Variants in SSX2IP observed in about 807,000 individuals in gnomAD.
SSX2IP encodes the protein afadin- and alpha-actinin-binding protein.
Under a neutral mutation model 84.9 loss-of-function variants are expected in SSX2IP, and 55 were observed. The ratio of observed to expected loss-of-function variants is 0.65; its 90% confidence interval spans 0.52 to 0.81. SSX2IP has a LOEUF of 0.81. SSX2IP is among the 30% of genes least tolerant of loss of function. SSX2IP has a pLI of 0.00. For missense variants in SSX2IP, 664 were observed against 705.2 expected, an observed-to-expected ratio of 0.94 and a Z score of 0.66; for synonymous variants, 239 against 234.7, an observed-to-expected ratio of 1.02 and a Z score of -0.17.
At chr1:84,673,673 G>A (rs934104024) in intron 1 of SSX2IP, among the ~76,000 whole-genome samples, 12 of 152,160 alleles carry the variant, frequency 7.9e-5, no homozygotes, top group Non-Finnish European at 1.5e-4. Flanking sequence ...TCTAACAGTG[G>A]AAGCAGAAAC....
At chr1:84,657,568 GA>G (rs1335308392) in intron 9 of SSX2IP, among the ~76,000 whole-genome samples, 8 of 152,104 alleles carry the variant, frequency 5.3e-5, no homozygotes, top group Admixed American at 1.3e-4. Context: ...GTCAGTAAAA[GA>G]GACTCAGTTT....
chr1:84,686,759 C>A (rs1428724105), intron 1 of SSX2IP, among the ~76,000 whole-genome samples: 1 of 152,120 alleles, frequency 6.6e-6, no homozygotes, highest in Non-Finnish European at 1.5e-5. Context: ...TGATACACAG[C>A]AGCAAATGCC....
intron 11 of SSX2IP, among the ~76,000 whole-genome samples, chr1:84,653,584 G>C (rs1336439629): frequency 3.9e-5 from 6 of 152,162 alleles, no homozygotes; most frequent in Admixed American, 3.3e-4. Context: ...GTAATGTGGG[G>C]AATAAGGGCT....
At chr1:84,673,993 A>C (rs139650920) in intron 1 of SSX2IP, among the ~76,000 whole-genome samples, 158 of 152,276 alleles carry the variant, frequency 1.0e-3, no homozygotes, top group African/African-American at 3.7e-3. Context: ...ACAGGATGAG[A>C]AGGATAAAGA....
At chr1:84,671,337 A>G in intron 1 of SSX2IP, 29 bp from the exon 2 acceptor site, 1 of 1,456,054 alleles carries the variant, frequency 6.9e-7, no homozygotes, top group Non-Finnish European at 9.1e-7. Flanking sequence ...GAATAATAGC[A>G]TCTAATTTAA....
intron 11 of SSX2IP, among the ~76,000 whole-genome samples, chr1:84,652,684 C>G (rs543187885): frequency 6.7e-6 from 1 of 150,022 alleles, no homozygotes; most frequent in African/African-American, 2.5e-5. Context: ...GAGCTGAGAT[C>G]GCACCCCTGC....
At position 84,655,909 on chromosome 1, in the gene SSX2IP, G is replaced by C; in HGVS notation, c.1312C>G (p.Leu438Val). Residue 438 changes from leucine (L) to valine (V), a missense_variant, in exon 11 of 14, where the codon CTT becomes GTT. Coordinates refer to ENST00000342203, the MANE Select transcript of SSX2IP (RefSeq NM_001166293.2). Reference protein sequence around the residue: ...EKERLKEEWSLFKEQKKNFER... With the variant: ...EKERLKEEWSVFKEQKKNFER... ...AAATTCTTTTTCTGCTCTTTAAAAA[G>C]GGACCATTCTTCTTTGAGACGTTCC... 1 of 1,613,922 alleles carries C rather than the reference G, an allele frequency of 6.2e-7. No individual in the cohort carries two copies. Among genetic ancestry groups the C allele is most frequent in the East Asian group, 2.2e-5 (1 of 44,868 alleles).
At chr1:84,679,627 T>C (rs1263786627) in intron 1 of SSX2IP, among the ~76,000 whole-genome samples, 3 of 152,188 alleles carry the variant, frequency 2.0e-5, no homozygotes, top group Admixed American at 6.5e-5. Flanking sequence ...CTCTTCAAGA[T>C]GGTTTCCTCA....
At chr1:84,675,652 A>C (rs1654217724) in intron 1 of SSX2IP, among the ~76,000 whole-genome samples, 1 of 152,222 alleles carries the variant, frequency 6.6e-6, no homozygotes, top group Non-Finnish European at 1.5e-5. Context: ...GACAGAACTC[A>C]AAGTTATCCC....
At chr1:84,658,499 C>A (rs369430622) in intron 8 of SSX2IP, 31 bp from the exon 9 acceptor site, 1 of 1,598,154 alleles carries the variant, frequency 6.3e-7, no homozygotes, top group Non-Finnish European at 8.5e-7. Flanking sequence ...AGAGGAAAGG[C>A]TAGTACCTTA....
chr1:84,687,779 T>C (rs1321352406), intron 1 of SSX2IP, among the ~76,000 whole-genome samples: 1 of 152,198 alleles, frequency 6.6e-6, no homozygotes, highest in Admixed American at 6.5e-5. Flanking sequence ...CCCTGTAACC[T>C]ACTGGTCAAT....
intron 7 of SSX2IP, 34 bp from the exon 8 acceptor site, chr1:84,662,409 A>AT: frequency 6.2e-7 from 1 of 1,610,564 alleles, no homozygotes; most frequent in South Asian, 1.1e-5. Flanking sequence ...AAAATGCAGG[A>AT]TAGAAGGAAG....
chr1:84,653,053 A>C (rs927187469), intron 11 of SSX2IP, among the ~76,000 whole-genome samples: 1 of 152,114 alleles, frequency 6.6e-6, no homozygotes, highest in African/African-American at 2.4e-5. Flanking sequence ...AAAACAAAAA[A>C]ACTAAGAAAA....
intron 9 of SSX2IP, among the ~76,000 whole-genome samples, chr1:84,657,978 A>G (rs1651374435): frequency 6.6e-6 from 1 of 152,028 alleles, no homozygotes; most frequent in East Asian, 1.9e-4. Flanking sequence ...TACTAAAAAC[A>G]CACCAAAAAA....
intron 1 of SSX2IP, among the ~76,000 whole-genome samples, chr1:84,684,252 T>C (rs1230976107): frequency 6.6e-6 from 1 of 152,196 alleles, no homozygotes; most frequent in Admixed American, 6.5e-5. Context: ...GACCTACAGA[T>C]TCAGAAACTT....
chr1:84,660,612 A>T (rs1651806331), intron 8 of SSX2IP, among the ~76,000 whole-genome samples: 1 of 152,098 alleles, frequency 6.6e-6, no homozygotes, highest in African/African-American at 2.4e-5. Context: ...CTAAAAATAC[A>T]AAATTGGCCG....
chr1:84,651,972 GCT>G lies in SSX2IP; in HGVS notation c.1413_1414del (p.Arg471SerfsTer15). On this transcript the variant is annotated frameshift_variant, in exon 12 of 14. Transcript: ENST00000342203. LOFTEE classifies it high-confidence loss of function. The stretch of plus-strand genomic sequence containing the variant: ...TAGAAACTGCTGCTTTAACCAACTG[GCT>G]CTTTCTTCTTCAAATGCCTTTCTCT... 1.2e-6 allele frequency: 2 copies of G among 1,613,456 alleles called. No homozygotes were observed. The highest frequency in any genetic ancestry group is 1.7e-6 in the Non-Finnish European group (2 of 1,179,630).
At chr1:84,663,859 C>G (rs1481396659) in intron 6 of SSX2IP, among the ~76,000 whole-genome samples, 1 of 152,154 alleles carries the variant, frequency 6.6e-6, no homozygotes, top group Non-Finnish European at 1.5e-5. Context: ...TTTACACTAT[C>G]TACTTGAAAT....
chr1:84,685,126 T>C (rs1655606863), intron 1 of SSX2IP, among the ~76,000 whole-genome samples: 1 of 152,218 alleles, frequency 6.6e-6, no homozygotes, highest in Non-Finnish European at 1.5e-5. Context: ...TAAATACATA[T>C]ATATAAAATG....
Sources: gnomAD v4.1 joint callset for allele counts (sites outside exome capture counted in the v4.1 genomes callset) on GRCh38, gnomAD v4.1.1 for gene constraint, MANE v1.5 for transcripts, NCBI Gene and HGNC (gene_info 2026-07-23, HGNC 2026-07-21) for gene names.